The following UBE2W variants were observed in gnomAD, a reference collection of about 807,000 sequenced individuals.
UBE2W encodes ubiquitin-conjugating enzyme E2 W.
Under a neutral mutation model 27.2 loss-of-function variants are expected in UBE2W, and 18 were observed. That is an observed-to-expected ratio of 0.66 (90% CI 0.46 to 0.98). UBE2W has a LOEUF of 0.98. UBE2W is among the 50% of genes least tolerant of loss of function. The probability of loss-of-function intolerance (pLI) is 0.00; values close to 1 mark genes in which losing one functional copy is unlikely to be tolerated. For missense variants in UBE2W, 90 were observed against 180.2 expected, an observed-to-expected ratio of 0.50 and a Z score of 2.87; for synonymous variants, 53 against 57.2, an observed-to-expected ratio of 0.93 and a Z score of 0.33.
chr8:73,788,635 G>A lies in UBE2W; in HGVS notation c.*5467C>T. 1.0e-6 allele frequency: 1 copy of A among 985,366 alleles called. No individual in the cohort carries two copies. Among genetic ancestry groups the A allele is most frequent in the Non-Finnish European group, 1.2e-6 (1 of 829,924 alleles). 61.0% of individuals were successfully genotyped at this position (985,366 alleles called of 1,614,324 possible). On this transcript the variant is annotated 3_prime_UTR_variant, in exon 6 of 6. Transcript: ENST00000602593. ...TTGTAAGTTTCAGGCTTCAAAAGAG[G>A]CAGGATTATTAAATCTTTCCATACA...
intron 1 of UBE2W, among the ~76,000 whole-genome samples, chr8:73,832,642 C>T (rs931727481): frequency 6.6e-6 from 1 of 152,176 alleles, no homozygotes; most frequent in African/African-American, 2.4e-5. Flanking sequence ...GGTCGAGTAG[C>T]CATTATCTGA....
At chr8:73,836,933 C>A (rs1269275400) in intron 1 of UBE2W, among the ~76,000 whole-genome samples, 1 of 152,092 alleles carries the variant, frequency 6.6e-6, no homozygotes, top group Non-Finnish European at 1.5e-5. Flanking sequence ...AGCAGAAACA[C>A]CCAGAAACCA....
intron 1 of UBE2W, among the ~76,000 whole-genome samples, chr8:73,858,881 T>TGC (rs991307241): frequency 1.7e-3 from 9 of 5,298 alleles, no homozygotes; most frequent in South Asian, 4.3e-3. Context: ...TTTGCGTGCG[T>TGC]GTGTGTGTGT....
At position 73,788,129 on chromosome 8, in the gene UBE2W, C is replaced by A. The variant is rs559562833; in HGVS notation, c.*5973G>T. ...TAGTATTCAAGTCTACAGAAAAAAT[C>A]CAATAACAACTGCTTTATTATTAAA... On this transcript the variant is annotated 3_prime_UTR_variant, in exon 6 of 6. Transcript: ENST00000602593. 1.0e-6 allele frequency: 1 copy of A among 982,660 alleles called. No individual in the cohort carries two copies. Among genetic ancestry groups the A allele is most frequent in the Non-Finnish European group, 1.2e-6 (1 of 827,504 alleles). 60.9% of individuals were successfully genotyped at this position (982,660 alleles called of 1,614,324 possible).
intron 1 of UBE2W, among the ~76,000 whole-genome samples, chr8:73,850,072 G>A (rs976127618): frequency 2.6e-5 from 4 of 152,004 alleles, no homozygotes; most frequent in African/African-American, 9.7e-5. Context: ...AACAGCTCAA[G>A]CAGACCAAAA....
intron 1 of UBE2W, among the ~76,000 whole-genome samples, chr8:73,853,264 G>C (rs1811152790): frequency 6.6e-6 from 1 of 152,154 alleles, no homozygotes; most frequent in Non-Finnish European, 1.5e-5. Context: ...CTGAGGTATA[G>C]CAGCCTGAAA....
chr8:73,805,454 C>CAAAAAAAAAAAAAAACCAAAAAAA (rs1808835923), intron 5 of UBE2W, among the ~76,000 whole-genome samples, 197 bp downstream of exon 5: 1 of 14,580 alleles, frequency 6.9e-5, no homozygotes, highest in African/African-American at 2.1e-4. Context: ...AACTCCATCT[C>CAAAAAAAAAAAAAAACCAAAAAAA]AAAAAAAAAA....
At chr8:73,853,111 T>C (rs1388255156) in intron 1 of UBE2W, among the ~76,000 whole-genome samples, 4 of 152,134 alleles carry the variant, frequency 2.6e-5, no homozygotes, top group East Asian at 3.9e-4. Context: ...GAGAGCTAAT[T>C]TGCCTTGCTG....
At chr8:73,797,022 G>A (rs1015245001) in intron 5 of UBE2W, among the ~76,000 whole-genome samples, 15 of 152,084 alleles carry the variant, frequency 9.9e-5, no homozygotes, top group African/African-American at 3.6e-4. Context: ...ATGGCCTGAA[G>A]AAAAATCTAA....
chr8:73,845,247 G>A (rs984081352), intron 1 of UBE2W, among the ~76,000 whole-genome samples: 4 of 152,202 alleles, frequency 2.6e-5, no homozygotes, highest in Non-Finnish European at 4.4e-5. Flanking sequence ...CCATGATGAC[G>A]ATGGCGGTTT....
intron 4 of UBE2W, among the ~76,000 whole-genome samples, chr8:73,806,198 A>G (rs1171139084): frequency 6.6e-6 from 1 of 152,092 alleles, no homozygotes; most frequent in Non-Finnish European, 1.5e-5. Flanking sequence ...AAGGGAATGA[A>G]AAAGGACTGA....
intron 1 of UBE2W, among the ~76,000 whole-genome samples, chr8:73,841,533 T>C (rs1406457698): frequency 1.4e-4 from 21 of 152,158 alleles, no homozygotes; most frequent in Admixed American, 1.4e-3. Flanking sequence ...AGGAGACAAA[T>C]GTGCCAATAA....
chr8:73,862,508 T>C (rs551774856), intron 1 of UBE2W, among the ~76,000 whole-genome samples: 33 of 151,700 alleles, frequency 2.2e-4, no homozygotes, highest in African/African-American at 7.0e-4. Flanking sequence ...ATTCAGGACA[T>C]AGGCATGGGC....
intron 1 of UBE2W, among the ~76,000 whole-genome samples, chr8:73,871,413 C>T (rs2130994249): frequency 6.6e-6 from 1 of 152,180 alleles, no homozygotes; most frequent in Middle Eastern, 3.4e-3. Context: ...TTTTTGTCTA[C>T]CCACTACACT....
chr8:73,790,632 T>C lies in UBE2W; in HGVS notation c.*3470A>G. 1.0e-6 allele frequency: 1 copy of C among 984,910 alleles called. No homozygotes were observed. The highest frequency in any genetic ancestry group is 1.2e-6 in the Non-Finnish European group (1 of 829,440). 61.0% of individuals were successfully genotyped at this position (984,910 alleles called of 1,614,324 possible). A position where few individuals can be genotyped will look rare whatever the true frequency, so the allele number is the denominator to read the frequency against. On this transcript the variant is annotated 3_prime_UTR_variant, in exon 6 of 6. Coordinates refer to ENST00000602593, the MANE Select transcript of UBE2W (RefSeq NM_018299.6). Reference sequence around the variant, plus strand: ...AGAACTAGTGACACTGAATTCTTTATTTAAAAAAATTTTTGTAACACACAG... The same window carrying C: ...AGAACTAGTGACACTGAATTCTTTACTTAAAAAAATTTTTGTAACACACAG...
rs192444763 is a variant in UBE2W at position 73,872,804 on chromosome 8, C to T, written c.15+6004G>A. Among the ~76,000 whole-genome samples the T allele has an allele frequency of 8.8e-4, 133 of 151,576 alleles. 1 individual carries two copies. The highest frequency in any genetic ancestry group is 7.3e-3 in the South Asian group (35 of 4,796). On this transcript the variant is annotated intron_variant, in intron 1 of 5. Coordinates refer to ENST00000602593, the MANE Select transcript of UBE2W (RefSeq NM_018299.6). ...TATAACACAAGGTTACTTTATGTATCATATTTTAAAAAGAAGTTCTCATGT... is the reference window on the plus strand; with the variant it reads ...TATAACACAAGGTTACTTTATGTATTATATTTTAAAAAGAAGTTCTCATGT...
At chr8:73,804,289 A>C (rs1021404377) in intron 5 of UBE2W, among the ~76,000 whole-genome samples, 3 of 151,544 alleles carry the variant, frequency 2.0e-5, no homozygotes, top group African/African-American at 7.3e-5. Flanking sequence ...AAAAAAAAAA[A>C]AAAACCCACA....
At chr8:73,867,779 T>C (rs1811842820) in intron 1 of UBE2W, among the ~76,000 whole-genome samples, 1 of 149,428 alleles carries the variant, frequency 6.7e-6, no homozygotes, top group Non-Finnish European at 1.5e-5. Context: ...GAAATACCAA[T>C]ATGCACAAGA....
intron 1 of UBE2W, among the ~76,000 whole-genome samples, chr8:73,872,128 G>A (rs1477832634): frequency 6.6e-6 from 1 of 152,182 alleles, no homozygotes; most frequent in Non-Finnish European, 1.5e-5. Context: ...ATCTTTGAAG[G>A]CCAGGCGCGG....
Sources: allele counts gnomAD v4.1 joint callset (sites outside exome capture counted in the v4.1 genomes callset), GRCh38; gene constraint gnomAD v4.1.1; transcripts MANE v1.5; gene names NCBI Gene and HGNC (gene_info 2026-07-23, HGNC 2026-07-21).